LRRK1: variants seen among roughly 807,000 people sequenced by gnomAD.
LRRK1 encodes the protein leucine-rich repeat serine/threonine-protein kinase 1.
Under a neutral mutation model 209.1 loss-of-function variants are expected in LRRK1, and 113 were observed. The observed-to-expected ratio is 0.54, with a 90% CI of 0.46 to 0.63. The LOEUF is 0.63. LRRK1 is among the 30% of genes least tolerant of loss of function. The pLI is 0.00. For synonymous variants in LRRK1, 1,144 were observed against 1,099.7 expected (o/e 1.04, Z -0.80); for missense variants, 2,284 against 2,632.2 (o/e 0.87, Z 2.89).
chr15:101,038,023 T>C (rs1028716234), intron 20 of LRRK1, among the ~76,000 whole-genome samples: 3 of 152,226 alleles, frequency 2.0e-5, no homozygotes, highest in African/African-American at 7.2e-5. Flanking sequence ...ATATACACCA[T>C]AGAATACTAC....
At chr15:100,926,708 A>G (rs2042122395) in intron 2 of LRRK1, among the ~76,000 whole-genome samples, 1 of 90,400 alleles carries the variant, frequency 1.1e-5, no homozygotes, top group African/African-American at 4.7e-5. Flanking sequence ...TTTTTGAGAC[A>G]GTGTCTTGCT....
chr15:101,065,163 T>C (rs2036455052), intron 31 of LRRK1, 189 bp from the exon 32 acceptor site: 1 of 633,526 alleles, frequency 1.6e-6, no homozygotes, highest in Admixed American at 2.9e-5. Context: ...GATATGGCTC[T>C]GCGGAGTCAG....
At position 101,071,056 on chromosome 15, in the gene LRRK1, T is replaced by C. The variant is rs550142996; in HGVS notation, c.*2208T>C. Reference sequence around the variant, plus strand: ...AAACAGACAGACCCTTAAACATCAATGCTTGACCTCACCCAACAGCAGGGA... The same window carrying C: ...AAACAGACAGACCCTTAAACATCAACGCTTGACCTCACCCAACAGCAGGGA... On this transcript the variant is annotated 3_prime_UTR_variant, in exon 34 of 34. Coordinates refer to ENST00000388948, the MANE Select transcript of LRRK1 (RefSeq NM_024652.6). 1 of 152,342 alleles carries C rather than the reference T, an allele frequency of 6.6e-6. No homozygotes were observed. The highest frequency in any genetic ancestry group is 6.5e-5 in the Admixed American group (1 of 15,294). The allele number at this position is 152,342 out of a possible 1,614,324, so 9.4% of individuals were successfully genotyped here.
chr15:101,058,164 G>T (rs1477740007), intron 29 of LRRK1, 23 bp downstream of exon 29: 1 of 1,611,042 alleles, frequency 6.2e-7, no homozygotes, highest in Non-Finnish European at 8.5e-7. Context: ...GGGCTGCCCT[G>T]CCCCCTTTGT....
chr15:101,038,447 C>T (rs1266238498), intron 20 of LRRK1, among the ~76,000 whole-genome samples: 3 of 152,180 alleles, frequency 2.0e-5, no homozygotes, highest in Non-Finnish European at 4.4e-5. Flanking sequence ...CTAGAGTGAG[C>T]ACCCTCCGAG....
Position 101,027,342 on chromosome 15 carries a change from G to C in LRRK1, c.2487G>C (p.Val829=), listed in dbSNP as rs41319544. The change falls in exon 18 of 34, where the codon GTG becomes GTC. Residue 829 remains valine, a synonymous_variant. Coordinates refer to ENST00000388948, the MANE Select transcript of LRRK1 (RefSeq NM_024652.6). This position sits in a 1 kb window ranked among gnomAD's most constrained non-coding sequence, Gnocchi z 5.1. ...IFHVTCSMKD[V]GSTIGCQRLA... Reference sequence around the variant, plus strand: ...ACGTCACGTGCAGCATGAAGGACGTGGGCAGCACCATCGGCTGCCAGCGAC... The same window carrying C: ...ACGTCACGTGCAGCATGAAGGACGTCGGCAGCACCATCGGCTGCCAGCGAC... 0.14 allele frequency: 218,396 copies of C among 1,613,728 alleles called. 15,621 individuals carry two copies. The highest frequency in any genetic ancestry group is 0.15 in the Non-Finnish European group (175,831 of 1,179,834).
chr15:101,053,249 A>G lies in LRRK1; in HGVS notation c.3883A>G (p.Thr1295Ala). The G allele has an allele frequency of 6.2e-7, 1 of 1,606,564 alleles. No individual in the cohort carries two copies. The change falls in exon 26 of 34, where the codon ACC (threonine) becomes GCC (alanine). Residue 1295 changes from threonine to alanine, a missense_variant. This residue lies in a region of LRRK1 where 780 missense variants were observed against 985.2 expected (regional missense o/e 0.79). Coordinates refer to ENST00000388948, the MANE Select transcript of LRRK1 (RefSeq NM_024652.6). ...CACCATGCTGAGGCACCTGCGGGCC[A>G]CCGATGCCATGAAGAACTTCTCCGA... ...ADTMLRHLRATDAMKNFSEFR... is the reference protein window; with the variant it reads ...ADTMLRHLRAADAMKNFSEFR...
At chr15:101,061,465 C>T (rs1158380169) in intron 30 of LRRK1, among the ~76,000 whole-genome samples, 177 bp downstream of exon 30, 1 of 152,248 alleles carries the variant, frequency 6.6e-6, no homozygotes, top group Admixed American at 6.5e-5. Flanking sequence ...AAGTAGCAGC[C>T]TGTCACCAGG....
chr15:101,019,652 A>G (rs2033689588), intron 12 of LRRK1, among the ~76,000 whole-genome samples: 3 of 152,202 alleles, frequency 2.0e-5, no homozygotes, highest in South Asian at 2.1e-4. Flanking sequence ...AGCTATGATC[A>G]AGGGCAACCG....
chr15:100,989,061 C>T (rs865929448), intron 5 of LRRK1, among the ~76,000 whole-genome samples, 189 bp from the exon 6 acceptor site: 20 of 152,246 alleles, frequency 1.3e-4, no homozygotes, highest in Non-Finnish European at 2.4e-4. Context: ...GTACGAGGCA[C>T]TCCAAAGGGC....
intron 2 of LRRK1, among the ~76,000 whole-genome samples, chr15:100,969,794 A>G (rs780271528): frequency 6.6e-6 from 1 of 150,950 alleles, no homozygotes; most frequent in Non-Finnish European, 1.5e-5. Context: ...ATGGCTTCCA[A>G]CTCCATCCAT....
intron 2 of LRRK1, among the ~76,000 whole-genome samples, chr15:100,936,361 A>G (rs1215057007): frequency 6.6e-6 from 1 of 152,162 alleles, no homozygotes; most frequent in Non-Finnish European, 1.5e-5. Context: ...CTGTAAATAC[A>G]TGGTATCATT....
chr15:101,058,227 CAGTGAGAATT>C, intron 29 of LRRK1, 86 bp downstream of exon 29: 1 of 1,373,126 alleles, frequency 7.3e-7, no homozygotes, highest in Non-Finnish European at 1.0e-6. Context: ...ATGTTGACCA[CAGTGAGAATT>C]ATTTAGCAGA....
At chr15:101,020,381 T>C (rs1419348472) in intron 12 of LRRK1, among the ~76,000 whole-genome samples, 1 of 148,604 alleles carries the variant, frequency 6.7e-6, no homozygotes, top group Non-Finnish European at 1.5e-5. Flanking sequence ...TTTTTTTTTT[T>C]TTTTTTTTTT....
At chr15:100,983,429 C>T in intron 3 of LRRK1, 99 bp from the exon 4 acceptor site, 1 of 1,165,756 alleles carries the variant, frequency 8.6e-7, no homozygotes, top group Non-Finnish European at 1.2e-6. Context: ...CAACACAACT[C>T]CAGTCCTGCT....
intron 2 of LRRK1, among the ~76,000 whole-genome samples, chr15:100,971,612 T>C (rs2030891397): frequency 6.6e-6 from 1 of 152,198 alleles, no homozygotes; most frequent in African/African-American, 2.4e-5. Flanking sequence ...TTTTGTTATG[T>C]GTATATAGTA....
chr15:101,023,445 T>C (rs1280381411), intron 15 of LRRK1, among the ~76,000 whole-genome samples: 1 of 152,248 alleles, frequency 6.6e-6, no homozygotes, highest in Non-Finnish European at 1.5e-5. Context: ...AGCCATGGAC[T>C]GTTGGTGGGA....
intron 2 of LRRK1, among the ~76,000 whole-genome samples, chr15:100,961,251 C>T (rs1015881268): frequency 2.6e-5 from 4 of 152,308 alleles, no homozygotes; most frequent in Admixed American, 1.3e-4. Context: ...ACAGGGTCCC[C>T]ACCATAGTGA....
chr15:100,951,980 AATAAT>A (rs1298086921), intron 2 of LRRK1, among the ~76,000 whole-genome samples: 1 of 150,562 alleles, frequency 6.6e-6, no homozygotes, highest in Non-Finnish European at 1.5e-5. Flanking sequence ...TAATAATAAT[AATAAT>A]AAAATAATAG....
Sources: allele counts gnomAD v4.1 joint callset (sites outside exome capture counted in the v4.1 genomes callset), GRCh38; gene constraint gnomAD v4.1.1; regional missense constraint gnomAD v4.1.1; non-coding constraint Gnocchi (gnomAD v3.1); transcripts MANE v1.5; gene names NCBI Gene and HGNC (gene_info 2026-07-23, HGNC 2026-07-21).